The following ZC3H12B variants were observed in gnomAD, a reference collection of about 807,000 sequenced individuals.
The protein encoded by ZC3H12B is probable ribonuclease ZC3H12B.
A neutral mutation model predicts 43.9 loss-of-function variants in ZC3H12B; 7 were observed. The observed-to-expected ratio is 0.16, with a 90% CI of 0.09 to 0.30. The LOEUF is 0.30. ZC3H12B is among the 10% of genes least tolerant of loss of function. ZC3H12B has a pLI of 1.00. For synonymous variants in ZC3H12B, 222 were observed against 241.7 expected (o/e 0.92, Z 0.76); for missense variants, 475 against 670.2 (o/e 0.71, Z 3.22).
the ZC3H12B span, among the ~76,000 whole-genome samples, chrX:65,229,548 C>G: frequency 9.0e-6 from 1 of 111,298 alleles, no homozygotes; most frequent in Non-Finnish European, 1.9e-5. Context: ...TCCAATTAAA[C>G]TAAAGAACTT....
chrX:65,483,817 C>A (rs1056935924), upstream of ZC3H12B, among the ~76,000 whole-genome samples: 1 of 111,690 alleles, frequency 9.0e-6, no homozygotes, highest in Non-Finnish European at 1.9e-5. Context: ...GTGTTCTCAT[C>A]CTTTAGGTCC....
the ZC3H12B span, among the ~76,000 whole-genome samples, chrX:65,045,285 T>C: frequency 8.9e-5 from 10 of 112,223 alleles, no homozygotes; most frequent in East Asian, 2.8e-3. Context: ...ATCTGTAGCA[T>C]GTGATGCTGC....
At chrX:65,263,993 G>A in the ZC3H12B span, among the ~76,000 whole-genome samples, 1 of 111,308 alleles carries the variant, frequency 9.0e-6, no homozygotes, top group Non-Finnish European at 1.9e-5. Context: ...AAAAAAGAAT[G>A]AAATAATGTA....
chrX:65,287,421 T>C, the ZC3H12B span, among the ~76,000 whole-genome samples: 3 of 111,371 alleles, frequency 2.7e-5, no homozygotes, highest in Non-Finnish European at 3.8e-5. Context: ...TTAAATGTGC[T>C]TGAGTATAAC....
chrX:65,152,744 T>C, the ZC3H12B span, among the ~76,000 whole-genome samples: 2 of 111,441 alleles, frequency 1.8e-5, no homozygotes, highest in East Asian at 5.6e-4. Context: ...TTAAAGTTCA[T>C]ATGGAACCAA....
chrX:65,451,735 G>T (rs765525536), intron 3 of ZC3H12B, among the ~76,000 whole-genome samples: 51 of 111,974 alleles, frequency 4.6e-4, no homozygotes, highest in Non-Finnish European at 9.4e-4. Context: ...GCTCAGCCTG[G>T]TTAGAGATTC....
the ZC3H12B span, among the ~76,000 whole-genome samples, chrX:65,126,972 A>G: frequency 1.8e-5 from 2 of 110,637 alleles, no homozygotes; most frequent in East Asian, 2.9e-4. Context: ...TTAGCTTAAT[A>G]TTCGACCTGC....
At chrX:65,432,034 C>G (rs943966067) in intron 3 of ZC3H12B, among the ~76,000 whole-genome samples, 11 of 111,876 alleles carry the variant, frequency 9.8e-5, no homozygotes, top group Non-Finnish European at 1.5e-4. Flanking sequence ...GAACCTAGGT[C>G]ACTCCCCATG....
At chrX:65,213,100 G>A in the ZC3H12B span, among the ~76,000 whole-genome samples, 1 of 107,473 alleles carries the variant, frequency 9.3e-6, no homozygotes, top group East Asian at 2.9e-4. Flanking sequence ...ATTCTTATGT[G>A]TGAATCCTTG....
chrX:65,425,070 CATG>C (rs1427112276), intron 3 of ZC3H12B, among the ~76,000 whole-genome samples: 2 of 111,865 alleles, frequency 1.8e-5, no homozygotes, highest in Non-Finnish European at 3.8e-5. Context: ...TTGCCATTTT[CATG>C]ATATTGATTC....
At chrX:65,262,555 C>T in the ZC3H12B span, among the ~76,000 whole-genome samples, 1 of 110,502 alleles carries the variant, frequency 9.0e-6, no homozygotes, top group Non-Finnish European at 1.9e-5. Context: ...GTTCCATCTC[C>T]CTACTATAAA....
chrX:65,174,612 C>G, the ZC3H12B span, among the ~76,000 whole-genome samples: 2 of 111,923 alleles, frequency 1.8e-5, no homozygotes, highest in Non-Finnish European at 3.8e-5. Flanking sequence ...GTGGTCACAG[C>G]CGCTTGCTGC....
the ZC3H12B span, among the ~76,000 whole-genome samples, chrX:65,264,138 G>T: frequency 3.6e-5 from 4 of 111,423 alleles, no homozygotes; most frequent in Non-Finnish European, 7.6e-5. Context: ...GTGGTATAAT[G>T]AATATTGGCA....
rs760011111 is a variant in ZC3H12B, at chrX:65,444,645, T to G, written n.408-44001T>G. Among the ~76,000 whole-genome samples, 343 of 111,521 alleles carry G rather than the reference T, an allele frequency of 3.1e-3. 3 individuals are homozygous for G. Among genetic ancestry groups the G allele is most frequent in the African/African-American group, 0.011 (325 of 30,688 alleles). The stretch of plus-strand genomic sequence containing the variant: ...ATACAGTAAATTGGTACCGGTAGAG[T>G]GGGGTGTTACTGAAAAGACACCTGA... On this transcript the variant is annotated intron_variant and non_coding_transcript_variant, in intron 3 of 5. Coordinates refer to the ZC3H12B transcript ENST00000617377.
At chrX:65,171,639 G>A in the ZC3H12B span, among the ~76,000 whole-genome samples, 1 of 111,477 alleles carries the variant, frequency 9.0e-6, no homozygotes, top group African/African-American at 3.3e-5. Flanking sequence ...TGCCCCCAGA[G>A]GTGGAGTCTA....
At chrX:65,145,186 T>A in the ZC3H12B span, among the ~76,000 whole-genome samples, 2 of 111,073 alleles carry the variant, frequency 1.8e-5, no homozygotes, top group Admixed American at 9.6e-5. Context: ...AGGATTGTGG[T>A]ATTTTCCTGT....
chrX:65,494,329 C>T lies in ZC3H12B; in HGVS notation c.609-2803C>T, dbSNP rs1344143120. On this transcript the variant is annotated intron_variant, in intron 1 of 4. Coordinates refer to ENST00000338957, the Ensembl canonical transcript of ZC3H12B. ...TGGCATGATCATAGCTCACTGTGAC[C>T]TCAAACTCCTGGGCTCAAGTGATTT... Among the ~76,000 whole-genome samples, 9 of 110,589 alleles carry T rather than the reference C, an allele frequency of 8.1e-5. No individual in the cohort carries two copies. The Admixed American group carries it at 8.8e-4, about 11-fold the overall frequency.
chrX:65,166,972 T>C, the ZC3H12B span, among the ~76,000 whole-genome samples: 3 of 112,003 alleles, frequency 2.7e-5, no homozygotes, highest in African/African-American at 9.7e-5. Context: ...ATTGTAAAAA[T>C]TTTCTCCCAT....
chrX:65,459,156 C>T (rs1329644123), intron 3 of ZC3H12B, among the ~76,000 whole-genome samples: 3 of 111,515 alleles, frequency 2.7e-5, no homozygotes, highest in Admixed American at 9.5e-5. Context: ...AAGACTAAAC[C>T]AGGAAGAAGT....
Sources: gnomAD v4.1 joint callset for allele counts (sites outside exome capture counted in the v4.1 genomes callset) on GRCh38, gnomAD v4.1.1 for gene constraint, MANE v1.5 for transcripts, NCBI Gene and HGNC (gene_info 2026-07-23, HGNC 2026-07-21) for gene names.